KITLG: variants seen among roughly 807,000 people sequenced by gnomAD.
The protein encoded by KITLG is c-Kit ligand.
Under a neutral mutation model 34.1 loss-of-function variants are expected in KITLG, and 13 were observed. The observed-to-expected ratio is 0.38, with a 90% CI of 0.25 to 0.61. The LOEUF (loss-of-function observed/expected upper bound fraction) is 0.61. Among genes scored for constraint, KITLG ranks in the 20% least tolerant of loss-of-function variants. The pLI, the probability that KITLG is intolerant of heterozygous loss-of-function variation, is 0.60. For synonymous variants in KITLG, 110 were observed against 104.0 expected (o/e 1.06, Z -0.35); for missense variants, 292 against 318.9 (o/e 0.92, Z 0.64).
chr12:88,551,898 C>T (rs986118597), intron 1 of KITLG, among the ~76,000 whole-genome samples: 6 of 152,098 alleles, frequency 3.9e-5, no homozygotes, highest in Admixed American at 3.9e-4. Flanking sequence ...CCCCATGGTC[C>T]TTAAAAATGG....
intron 3 of KITLG, among the ~76,000 whole-genome samples, chr12:88,531,295 A>C (rs11104930): frequency 0.084 from 12,819 of 152,240 alleles, 566 homozygotes; most frequent in Non-Finnish European, 0.1. Context: ...CATTGGAATG[A>C]AAAAGTCCAG....
rs185274297 is a variant in KITLG, at chr12:88,504,292, T to C, written c.*37+867A>G. Among the ~76,000 whole-genome samples the C allele has an allele frequency of 6.6e-5, 10 of 152,278 alleles. No homozygotes were observed. In the East Asian group the frequency reaches 1.9e-3, roughly 29 times the overall value. The stretch of plus-strand genomic sequence containing the variant: ...TACTAATGAAGTTTGTTTCTAAACT[T>C]TGGCATCTCATATGCTGTATAGTTC... On this transcript the variant is annotated intron_variant, in intron 9 of 9. Coordinates refer to ENST00000644744, the MANE Select transcript of KITLG (RefSeq NM_000899.5).
At chr12:88,560,768 G>C (rs1344861970) in intron 1 of KITLG, among the ~76,000 whole-genome samples, 1 of 151,962 alleles carries the variant, frequency 6.6e-6, no homozygotes, top group Non-Finnish European at 1.5e-5. Context: ...AGGAGTTCGA[G>C]ACCAGCCTGG....
At chr12:88,510,156 G>C (rs1869225167) in intron 6 of KITLG, among the ~76,000 whole-genome samples, 1 of 152,112 alleles carries the variant, frequency 6.6e-6, no homozygotes, top group Admixed American at 6.5e-5. Context: ...TAGAAATACA[G>C]AACACAAAGA....
intron 2 of KITLG, among the ~76,000 whole-genome samples, chr12:88,537,061 T>G (rs1870345607): frequency 6.6e-6 from 1 of 152,150 alleles, no homozygotes; most frequent in African/African-American, 2.4e-5. Context: ...TCAGCCACTG[T>G]GGAAAGAAAT....
At position 88,496,393 on chromosome 12, in the gene KITLG, C is replaced by T. The variant is rs989670567; in HGVS notation, c.*826G>A. 6.6e-6 allele frequency: 1 copy of T among 152,100 alleles called. No individual in the cohort carries two copies. Among genetic ancestry groups the T allele is most frequent in the South Asian group, 2.1e-4 (1 of 4,828 alleles). The allele number at this position is 152,100 out of a possible 1,614,324, so 9.4% of individuals were successfully genotyped here. ...ATTTTGCAAACACGATTTATACACC[C>T]TATAGTGGTCAAGGGAAAAGGCGGA... On this transcript the variant is annotated 3_prime_UTR_variant, in exon 10 of 10. Transcript: ENST00000644744.
chr12:88,501,848 A>C (rs1192019250), intron 9 of KITLG, among the ~76,000 whole-genome samples: 2 of 152,110 alleles, frequency 1.3e-5, no homozygotes, highest in Admixed American at 1.3e-4. Flanking sequence ...TTATTCAACA[A>C]ATAGTTATTC....
chr12:88,569,232 TG>T (rs1325783319), intron 1 of KITLG, among the ~76,000 whole-genome samples: 5 of 152,296 alleles, frequency 3.3e-5, no homozygotes, highest in African/African-American at 1.2e-4. Flanking sequence ...GCCGCGATCT[TG>T]GGCACATGAT....
At chr12:88,575,683 C>T (rs1306717361) in intron 1 of KITLG, among the ~76,000 whole-genome samples, 2 of 152,122 alleles carry the variant, frequency 1.3e-5, no homozygotes, top group Non-Finnish European at 1.5e-5. Context: ...TCTGTCTACA[C>T]ACGTGACTAA....
chr12:88,568,983 A>G, intron 1 of KITLG, among the ~76,000 whole-genome samples: 1 of 152,214 alleles, frequency 6.6e-6, no homozygotes, highest in East Asian at 1.9e-4. Context: ...AGCCAGAGGT[A>G]AAATCTATAT....
intron 6 of KITLG, among the ~76,000 whole-genome samples, chr12:88,514,102 A>G (rs1869374814): frequency 6.6e-6 from 1 of 151,694 alleles, no homozygotes; most frequent in African/African-American, 2.4e-5. Context: ...TGAATCAAAG[A>G]AGAAATCACA....
chr12:88,577,054 C>A (rs1475252162), intron 1 of KITLG, among the ~76,000 whole-genome samples: 2 of 152,042 alleles, frequency 1.3e-5, no homozygotes, highest in African/African-American at 4.8e-5. Context: ...GTTTTAAAGT[C>A]TTGGCAGAAT....
At chr12:88,574,491 T>A (rs879373793) in intron 1 of KITLG, among the ~76,000 whole-genome samples, 3 of 152,132 alleles carry the variant, frequency 2.0e-5, no homozygotes, top group Non-Finnish European at 4.4e-5. Context: ...TCCACCTCCG[T>A]GTCTCCAGCT....
chr12:88,566,864 C>T (rs1871458740), intron 1 of KITLG, among the ~76,000 whole-genome samples: 1 of 152,182 alleles, frequency 6.6e-6, no homozygotes, highest in Non-Finnish European at 1.5e-5. Flanking sequence ...TCTACCCCTA[C>T]ATTTTGATGG....
At position 88,494,533 on chromosome 12, in the gene KITLG, A is replaced by G. The variant is rs1446462409; in HGVS notation, c.*2686T>C. On this transcript the variant is annotated 3_prime_UTR_variant, in exon 10 of 10. Transcript: ENST00000644744. Reference sequence around the variant, plus strand: ...GGCTACTTGTTCTATTATTGTATTGAAGAAAAATTAATTTTTCTCTGACTC... The same window carrying G: ...GGCTACTTGTTCTATTATTGTATTGGAGAAAAATTAATTTTTCTCTGACTC... The G allele has an allele frequency of 5.9e-5, 9 of 152,440 alleles. No homozygotes were observed. Among genetic ancestry groups the G allele is most frequent in the Non-Finnish European group, 1.2e-4 (8 of 67,920 alleles). 9.4% of individuals were successfully genotyped at this position (152,440 alleles called of 1,614,324 possible).
Position 88,545,794 on chromosome 12 carries a change from G to A in KITLG, c.87C>T (p.Cys29=). The part of the protein sequence containing the change: ...FNPLVKTEGI[C]RNRVTNNVKD... ...TTACATTATTAGTCACACGATTCCT[G>A]CAGATCCCTTCAGTTTTGACGAGAG... is the stretch of plus-strand genomic sequence containing the variant. The change falls in exon 2 of 10, where the codon TGC becomes TGT. Residue 29 remains cysteine (C), a synonymous_variant. Transcript: ENST00000644744. 1 of 1,610,932 alleles carries A rather than the reference G, an allele frequency of 6.2e-7. No homozygotes were observed. Among genetic ancestry groups the A allele is most frequent in the Non-Finnish European group, 8.5e-7 (1 of 1,177,276 alleles).
At chr12:88,551,279 A>G (rs1054068376) in intron 1 of KITLG, among the ~76,000 whole-genome samples, 6 of 152,188 alleles carry the variant, frequency 3.9e-5, no homozygotes, top group African/African-American at 1.2e-4. Context: ...ATTTTTGCCA[A>G]GCAGTAATGA....
intron 1 of KITLG, among the ~76,000 whole-genome samples, chr12:88,558,650 T>A (rs75297627): frequency 0.014 from 2,067 of 152,274 alleles, 59 homozygotes; most frequent in African/African-American, 0.047. Flanking sequence ...TATGTTTAGA[T>A]GAAAGTGTAA....
intron 7 of KITLG, among the ~76,000 whole-genome samples, 192 bp downstream of exon 7, chr12:88,506,836 G>A (rs534300748): frequency 3.9e-5 from 6 of 152,198 alleles, no homozygotes; most frequent in East Asian, 1.9e-4. Flanking sequence ...ATTCTTAAGC[G>A]TGAATTATCA....
Sources: allele counts gnomAD v4.1 joint callset (sites outside exome capture counted in the v4.1 genomes callset), GRCh38; gene constraint gnomAD v4.1.1; transcripts MANE v1.5; gene names NCBI Gene and HGNC (gene_info 2026-07-23, HGNC 2026-07-21).